Variants in TOX observed in about 807,000 individuals in gnomAD.
The protein encoded by TOX is thymocyte selection-associated high mobility group box protein TOX.
A neutral mutation model predicts 53.7 loss-of-function variants in TOX; 11 were observed. That is an observed-to-expected ratio of 0.20 (90% CI 0.13 to 0.34). The LOEUF is 0.34. Ranked by LOEUF, TOX falls within the 10% of genes least tolerant of loss-of-function variation. The pLI is 1.00. For missense variants in TOX, 570 were observed against 664.6 expected, an observed-to-expected ratio of 0.86 and a Z score of 1.56; for synonymous variants, 225 against 245.3, an observed-to-expected ratio of 0.92 and a Z score of 0.77.
intron 1 of TOX, among the ~76,000 whole-genome samples, chr8:59,007,316 T>G (rs1435022966): frequency 6.6e-6 from 1 of 152,170 alleles, no homozygotes; most frequent in Non-Finnish European, 1.5e-5. Context: ...GAAAAATTAA[T>G]TTAACTCTGG....
intron 3 of TOX, among the ~76,000 whole-genome samples, chr8:58,899,056 A>G (rs761471983): frequency 6.6e-6 from 1 of 152,156 alleles, no homozygotes; most frequent in Non-Finnish European, 1.5e-5. Flanking sequence ...ATGCTTTCCA[A>G]TAAATTCTGC....
chr8:58,995,624 T>C (rs1433011864), intron 1 of TOX, among the ~76,000 whole-genome samples: 1 of 152,226 alleles, frequency 6.6e-6, no homozygotes, highest in Non-Finnish European at 1.5e-5. Flanking sequence ...AACAATAAAG[T>C]GAGAAATACA....
chr8:58,936,052 T>A (rs1305945433), intron 3 of TOX, among the ~76,000 whole-genome samples: 1 of 152,100 alleles, frequency 6.6e-6, no homozygotes, highest in African/African-American at 2.4e-5. Context: ...CTACACAGGG[T>A]CCTATTGCCA....
intron 1 of TOX, among the ~76,000 whole-genome samples, chr8:59,001,945 G>A (rs1276381148): frequency 4.7e-5 from 7 of 149,918 alleles, no homozygotes; most frequent in Non-Finnish European, 7.4e-5. Context: ...AGGAGACAAT[G>A]GCACAATTTA....
intron 1 of TOX, among the ~76,000 whole-genome samples, chr8:59,106,530 A>T (rs1804906156): frequency 6.6e-6 from 1 of 152,198 alleles, no homozygotes; most frequent in Non-Finnish European, 1.5e-5. Context: ...TTAAGAAATG[A>T]ATAACAAATG....
At chr8:58,924,324 T>C (rs1329003237) in intron 3 of TOX, among the ~76,000 whole-genome samples, 3 of 152,122 alleles carry the variant, frequency 2.0e-5, no homozygotes, top group Non-Finnish European at 4.4e-5. Flanking sequence ...GTCCTCACCA[T>C]CCCCTCTCTC....
chr8:58,868,865 GAA>G (rs61357991), intron 3 of TOX, among the ~76,000 whole-genome samples: 3 of 140,856 alleles, frequency 2.1e-5, no homozygotes, highest in African/African-American at 5.2e-5. Context: ...AAAAGAACAG[GAA>G]AAAAAAAAAA....
intron 3 of TOX, among the ~76,000 whole-genome samples, chr8:58,912,487 G>C (rs1048920840): frequency 1.3e-5 from 2 of 152,192 alleles, no homozygotes; most frequent in Non-Finnish European, 2.9e-5. Context: ...TGGGGAAAAA[G>C]AGCAGATATT....
At chr8:59,012,641 CTAAGAAA>C (rs1396467708) in intron 1 of TOX, among the ~76,000 whole-genome samples, 1 of 152,050 alleles carries the variant, frequency 6.6e-6, no homozygotes, top group Non-Finnish European at 1.5e-5. Flanking sequence ...GGTATAAAAA[CTAAGAAA>C]TAAGTTCACA....
intron 3 of TOX, among the ~76,000 whole-genome samples, chr8:58,906,491 T>A (rs1811817168): frequency 6.6e-6 from 1 of 152,230 alleles, no homozygotes; most frequent in Non-Finnish European, 1.5e-5. Context: ...TAACACCATC[T>A]GATTAAATGA....
At chr8:59,023,501 C>T (rs1317770661) in intron 1 of TOX, among the ~76,000 whole-genome samples, 1 of 152,142 alleles carries the variant, frequency 6.6e-6, no homozygotes, top group Admixed American at 6.6e-5. Flanking sequence ...CTTAGTAACA[C>T]AACTCATCAT....
chr8:58,952,171 C>T (rs1812632942), intron 2 of TOX, among the ~76,000 whole-genome samples: 1 of 152,120 alleles, frequency 6.6e-6, no homozygotes, highest in Non-Finnish European at 1.5e-5. Flanking sequence ...TGGAAAACAC[C>T]TTAGCTTTTC....
Position 59,119,029 on chromosome 8 carries a change from T to G in TOX, c.-42A>C, listed in dbSNP as rs761879001. The G allele has an allele frequency of 7.0e-7, 1 of 1,431,812 alleles. No homozygotes were observed. The highest frequency in any genetic ancestry group is 9.7e-7 in the Non-Finnish European group (1 of 1,027,828). The allele number at this position is 1,431,812 out of a possible 1,614,324, so 88.7% of individuals were successfully genotyped here. On this transcript the variant is annotated 5_prime_UTR_variant, in exon 1 of 9. Coordinates refer to ENST00000361421, the MANE Select transcript of TOX (RefSeq NM_014729.3). ...GCAACTCCTTTTCTTTTTCCTTTTT[T>G]AAAAAAAAGTGTTCAGCAAAACAAG...
At chr8:58,825,382 T>C (rs1174210844) in intron 6 of TOX, among the ~76,000 whole-genome samples, 1 of 152,194 alleles carries the variant, frequency 6.6e-6, no homozygotes, top group Non-Finnish European at 1.5e-5. Flanking sequence ...ATTCGCAGCA[T>C]TTATACAAAT....
intron 6 of TOX, among the ~76,000 whole-genome samples, chr8:58,818,220 C>T (rs1316404329): frequency 1.3e-5 from 2 of 152,250 alleles, no homozygotes; most frequent in Middle Eastern, 3.4e-3. Flanking sequence ...AGACCAGTCC[C>T]CCTCAACCTA....
At chr8:59,000,761 G>T (rs1813676036) in intron 1 of TOX, among the ~76,000 whole-genome samples, 1 of 152,092 alleles carries the variant, frequency 6.6e-6, no homozygotes, top group Admixed American at 6.5e-5. Flanking sequence ...TACTATATCA[G>T]TGATCAAAAA....
At chr8:58,943,532 C>A (rs928336225) in intron 2 of TOX, among the ~76,000 whole-genome samples, 1 of 151,738 alleles carries the variant, frequency 6.6e-6, no homozygotes, top group African/African-American at 2.4e-5. Flanking sequence ...TTCTCCAACT[C>A]TCTTGGGAAC....
At chr8:58,844,432 G>A (rs1810689700) in intron 4 of TOX, among the ~76,000 whole-genome samples, 1 of 152,132 alleles carries the variant, frequency 6.6e-6, no homozygotes, top group African/African-American at 2.4e-5. Flanking sequence ...AGACTGGAGA[G>A]TTAAATTTTA....
At chr8:58,862,593 C>T (rs2129169251) in intron 3 of TOX, among the ~76,000 whole-genome samples, 1 of 152,200 alleles carries the variant, frequency 6.6e-6, no homozygotes, top group East Asian at 1.9e-4. Context: ...ACTCAAACTT[C>T]TAATAAAGAA....
Sources: gnomAD v4.1 joint callset for allele counts (sites outside exome capture counted in the v4.1 genomes callset) on GRCh38, gnomAD v4.1.1 for gene constraint, MANE v1.5 for transcripts, NCBI Gene and HGNC (gene_info 2026-07-23, HGNC 2026-07-21) for gene names.